The following CPOX variants were observed in gnomAD, a reference collection of about 807,000 sequenced individuals.
CPOX encodes the protein coproporphyrinogen oxidase, also known as oxygen-dependent coproporphyrinogen-III oxidase, mitochondrial.
Under a neutral mutation model 48.9 loss-of-function variants are expected in CPOX, and 24 were observed. The ratio of observed to expected loss-of-function variants is 0.49; its 90% CI spans 0.36 to 0.69. CPOX has a LOEUF of 0.69. Among genes scored for constraint, CPOX ranks in the 30% least tolerant of loss-of-function variants. The pLI is 0.00. For missense variants in CPOX, 549 were observed against 597.3 expected, an observed-to-expected ratio of 0.92 and a Z score of 0.84; for synonymous variants, 249 against 234.6, an observed-to-expected ratio of 1.06 and a Z score of -0.56.
chr3:98,581,568 A>T (rs1324805094), intron 5 of CPOX, 57 bp from the exon 6 acceptor site: 1 of 1,363,384 alleles, frequency 7.3e-7, no homozygotes, highest in African/African-American at 1.4e-5. Context: ...CTTAAGACTA[A>T]CCCATAACAA....
At chr3:98,589,863 TAA>T (rs2107128713) in intron 3 of CPOX, 1 of 153,096 alleles carries the variant, frequency 6.5e-6, no homozygotes, top group South Asian at 2.1e-4. Context: ...TAGTATCAGA[TAA>T]AAGACAGGCT....
At position 98,580,370 on chromosome 3, in the gene CPOX, C is replaced by A; in HGVS notation, c.*313G>T. The A allele has an allele frequency of 9.7e-7, 1 of 1,030,542 alleles. No individual in the cohort carries two copies. The highest frequency in any genetic ancestry group is 4.2e-5 in the South Asian group (1 of 23,804). 63.8% of individuals were successfully genotyped at this position (1,030,542 alleles called of 1,614,324 possible). On this transcript the variant is annotated 3_prime_UTR_variant, in exon 7 of 7. Transcript: ENST00000647941. ...AAACAAAAACAAGATGAGAGATTTC[C>A]TGATACATATAATACTATTTATATT...
intron 4 of CPOX, among the ~76,000 whole-genome samples, chr3:98,586,871 A>C (rs147527861): frequency 0.015 from 2,288 of 151,970 alleles, 61 homozygotes; most frequent in African/African-American, 0.052. Flanking sequence ...GTGAACCCGG[A>C]AGGCAGAGCT....
At chr3:98,583,757 C>T (rs897510762) in intron 5 of CPOX, among the ~76,000 whole-genome samples, 1 of 152,090 alleles carries the variant, frequency 6.6e-6, no homozygotes, top group African/African-American at 2.4e-5. Context: ...AGGGTGAAGA[C>T]GAGGCAAAGT....
At chr3:98,592,614 T>TGGAAC (rs1274970636) in intron 1 of CPOX, among the ~76,000 whole-genome samples, 1 of 152,162 alleles carries the variant, frequency 6.6e-6, no homozygotes, top group African/African-American at 2.4e-5. Flanking sequence ...CCATAATCTA[T>TGGAAC]TGAAATTTAT....
chr3:98,581,917 C>T (rs923328170), intron 5 of CPOX, among the ~76,000 whole-genome samples: 1 of 152,226 alleles, frequency 6.6e-6, no homozygotes, highest in Non-Finnish European at 1.5e-5. Flanking sequence ...TTTCATTTCA[C>T]TGCCTGTAAC....
the CPOX span, among the ~76,000 whole-genome samples, chr3:98,570,897 T>TTAAA: frequency 6.6e-6 from 1 of 152,244 alleles, no homozygotes; most frequent in Non-Finnish European, 1.5e-5. Flanking sequence ...ATGTGTATCT[T>TTAAA]TAAATAGCCT....
chr3:98,589,001 AC>A, intron 3 of CPOX, 147 bp from the exon 4 acceptor site: 1 of 928,980 alleles, frequency 1.1e-6, no homozygotes, highest in Non-Finnish European at 1.7e-6. Flanking sequence ...AGCTCTGAAG[AC>A]CAGTAAGGCC....
Position 98,579,971 on chromosome 3 carries a change from A to G in CPOX, c.*712T>C, listed in dbSNP as rs893225316. The G allele has an allele frequency of 3.2e-5, 32 of 985,656 alleles. No individual in the cohort carries two copies. In the East Asian group the frequency reaches 1.6e-3, roughly 49 times the overall value. The allele number at this position is 985,656 out of a possible 1,614,324, so 61.1% of individuals were successfully genotyped here. A position where few individuals can be genotyped will look rare whatever the true frequency, so the allele number is the denominator to read the frequency against. On this transcript the variant is annotated 3_prime_UTR_variant, in exon 7 of 7. Transcript: ENST00000647941. Reference sequence around the variant, plus strand: ...TATAAGCTTTCACATTCAAAAGTGCAGAGAATCCCAACATTAACAAACAAT... The same window carrying G: ...TATAAGCTTTCACATTCAAAAGTGCGGAGAATCCCAACATTAACAAACAAT...
chr3:98,577,693 G>T (rs1707182775), downstream of CPOX, among the ~76,000 whole-genome samples: 2 of 152,290 alleles, frequency 1.3e-5, no homozygotes, highest in Non-Finnish European at 1.5e-5. Context: ...TCAGTGGTTA[G>T]AACAGAAAAC....
intron 4 of CPOX, 133 bp from the exon 5 acceptor site, chr3:98,585,792 T>C (rs1323380493): frequency 2.6e-6 from 2 of 759,170 alleles, no homozygotes; most frequent in Non-Finnish European, 4.7e-6. Context: ...TGTCCAACTA[T>C]GAAAATGAAA....
At chr3:98,585,403 C>T in intron 5 of CPOX, 38 bp downstream of exon 5, 1 of 1,534,962 alleles carries the variant, frequency 6.5e-7, no homozygotes, top group Non-Finnish European at 9.0e-7. Flanking sequence ...CCACCTCCCC[C>T]ACTTAGCCAT....
At chr3:98,577,460 G>A (rs557415349), downstream of CPOX, among the ~76,000 whole-genome samples, 1 of 152,284 alleles carries the variant, frequency 6.6e-6, no homozygotes, top group Non-Finnish European at 1.5e-5. Flanking sequence ...AAGGGCAGAG[G>A]AAGGAAACCA....
downstream of CPOX, chr3:98,579,294 T>G (rs1457696043): frequency 6.3e-6 from 1 of 159,472 alleles, no homozygotes; most frequent in Non-Finnish European, 1.3e-5. Context: ...TGATTAAGTT[T>G]TGGGAGAGTC....
rs925069086 is a variant in CPOX at position 98,584,025 on chromosome 3, A to G, written c.1172+1416T>C. Among the ~76,000 whole-genome samples, 9 of 152,336 alleles carry G rather than the reference A, an allele frequency of 5.9e-5. No homozygotes were observed. The South Asian group carries it at 8.3e-4, about 14-fold the overall frequency. ...CACCAGACATGCAATGATACACAAC[A>G]ACGACTTTCAGAATGATCTGCCATC... On this transcript the variant is annotated intron_variant, in intron 5 of 6. Transcript: ENST00000647941.
intron 3 of CPOX, among the ~76,000 whole-genome samples, chr3:98,590,210 C>T (rs866479432): frequency 3.5e-4 from 53 of 152,228 alleles, no homozygotes; most frequent in African/African-American, 1.3e-3. Flanking sequence ...TGCAGTGGCA[C>T]AATCTCCGCT....
Position 98,581,391 on chromosome 3 carries a change from T to G in CPOX, c.1277+16A>C. 4.5e-6 allele frequency: 7 copies of G among 1,558,284 alleles called. No individual in the cohort carries two copies. Among genetic ancestry groups the G allele is most frequent in the Non-Finnish European group, 6.2e-6 (7 of 1,129,230 alleles). ...GGGAGTGTAGGGATAACTACTAAAATGAGTTATCTCCTTACCGGGCAGTTA... is the reference window on the plus strand; with the variant it reads ...GGGAGTGTAGGGATAACTACTAAAAGGAGTTATCTCCTTACCGGGCAGTTA... On this transcript the variant is annotated intron_variant, in intron 6 of 6. Transcript: ENST00000647941.
Position 98,593,270 on chromosome 3 carries a change from C to T in CPOX, c.235G>A (p.Ala79Thr). Reference sequence around the variant, plus strand: ...CCCACCAACCCCGCCAGCGCCGCGGCCAGCCCTGTCCCCACCCAGGGGCCG... The same window carrying T: ...CCCACCAACCCCGCCAGCGCCGCGGTCAGCCCTGTCCCCACCCAGGGGCCG... ...RGGPWVGTGLAAALAGLVGLA... is the reference protein window; with the variant it reads ...RGGPWVGTGLTAALAGLVGLA... Residue 79 changes from alanine (A) to threonine (T), a missense_variant, in exon 1 of 7, where the codon GCC becomes ACC. Ala to Thr is a moderately conservative substitution (Grantham distance 58). Around this residue, in one of 2 missense-constraint regions of CPOX, gnomAD observed 336 missense variants for 318.1 expected, o/e 1.06. Transcript: ENST00000647941. 1 of 1,481,366 alleles carries T rather than the reference C, an allele frequency of 6.8e-7. No homozygotes were observed. The highest frequency in any genetic ancestry group is 1.4e-5 in the South Asian group (1 of 71,988). The allele number at this position is 1,481,366 out of a possible 1,614,324, so 91.8% of individuals were successfully genotyped here.
At chr3:98,581,648 T>A (rs1707261487) in intron 5 of CPOX, 137 bp from the exon 6 acceptor site, 6 of 673,710 alleles carry the variant, frequency 8.9e-6, no homozygotes, top group Non-Finnish European at 1.6e-5. Context: ...GACACCAGCC[T>A]ACAGCCCATT....
Sources: gnomAD v4.1 joint callset for allele counts (sites outside exome capture counted in the v4.1 genomes callset) on GRCh38, gnomAD v4.1.1 for gene constraint, gnomAD v4.1.1 regional missense constraint, MANE v1.5 for transcripts, NCBI Gene and HGNC (gene_info 2026-07-23, HGNC 2026-07-21) for gene names.